Variants in EPS8 observed in about 807,000 individuals in gnomAD.
EPS8 encodes EGFR pathway substrate 8, signaling adaptor, also known as epidermal growth factor receptor kinase substrate 8.
A neutral mutation model predicts 103.8 loss-of-function variants in EPS8; 42 were observed. That is an observed-to-expected ratio of 0.40 (90% CI 0.32 to 0.52). The LOEUF (loss-of-function observed/expected upper bound fraction) is 0.52, where lower values mean the gene tolerates loss of function less well. Among genes scored for constraint, EPS8 ranks in the 20% least tolerant of loss-of-function variants. The probability of loss-of-function intolerance (pLI) is 0.40; values close to 1 mark genes in which losing one functional copy is unlikely to be tolerated. For synonymous variants in EPS8, 344 were observed against 344.6 expected (o/e 1.00, Z 0.02); for missense variants, 969 against 1,005.1 (o/e 0.96, Z 0.49).
At chr12:15,724,659 C>G (rs1477665915) in intron 1 of EPS8, among the ~76,000 whole-genome samples, 1 of 152,160 alleles carries the variant, frequency 6.6e-6, no homozygotes, top group Non-Finnish European at 1.5e-5. Context: ...TGGGAGATAA[C>G]TGAATCACAA....
At chr12:15,671,771 A>G (rs1439353888) in intron 3 of EPS8, 1 of 152,118 alleles carries the variant, frequency 6.6e-6, no homozygotes, top group African/African-American at 2.4e-5. Flanking sequence ...TAATCTCTGT[A>G]TCATTCCAAT....
chr12:15,746,405 T>C (rs1366408672), intron 1 of EPS8, among the ~76,000 whole-genome samples: 1 of 151,828 alleles, frequency 6.6e-6, no homozygotes, highest in East Asian at 1.9e-4. Flanking sequence ...CTGATTTTAA[T>C]GGCACTTCCT....
chr12:15,622,645 T>C (rs1294561464), intron 20 of EPS8, among the ~76,000 whole-genome samples: 1 of 152,144 alleles, frequency 6.6e-6, no homozygotes, highest in Non-Finnish European at 1.5e-5. Context: ...CAGACCATTG[T>C]GATTAAATAC....
At chr12:15,742,139 CT>C (rs1372882934) in intron 1 of EPS8, among the ~76,000 whole-genome samples, 1 of 152,162 alleles carries the variant, frequency 6.6e-6, no homozygotes, top group Non-Finnish European at 1.5e-5. Flanking sequence ...TTGGTTCCAA[CT>C]CTTTGCTATT....
chr12:15,741,252 C>A (rs1238078960), intron 1 of EPS8, among the ~76,000 whole-genome samples: 1 of 152,170 alleles, frequency 6.6e-6, no homozygotes, highest in Admixed American at 6.5e-5. Flanking sequence ...CAGAGCTTGG[C>A]TTAGCACTGT....
Position 15,641,844 on chromosome 12 carries a change from GA to G in EPS8, c.1569-15del, listed in dbSNP as rs764082662. 5.7e-6 allele frequency: 8 copies of G among 1,392,954 alleles called. No individual in the cohort carries two copies. The Admixed American group carries it at 1.2e-4, about 20-fold the overall frequency. The allele number at this position is 1,392,954 out of a possible 1,614,324, so 86.3% of individuals were successfully genotyped here. ...GGTTCATAATTTCTATAAAAAGAAA[GA>G]AAAAAGATTATTATTCTGCTAGCTC... On this transcript the variant is annotated splice_polypyrimidine_tract_variant and intron_variant, in intron 15 of 20. Coordinates refer to ENST00000281172, the MANE Select transcript of EPS8 (RefSeq NM_004447.6).
intron 1 of EPS8, chr12:15,782,102 C>T (rs1166905064): frequency 6.6e-6 from 1 of 152,160 alleles, no homozygotes; most frequent in Non-Finnish European, 1.5e-5. Flanking sequence ...GTACATTTGA[C>T]TTTTGAAAAG....
intron 14 of EPS8, 112 bp downstream of exon 14, chr12:15,650,711 T>C (rs1945397255): frequency 2.2e-6 from 2 of 908,134 alleles, no homozygotes; most frequent in South Asian, 1.7e-5. Flanking sequence ...ATTCAGACTT[T>C]GATTCTAGAA....
At chr12:15,681,751 A>AC (rs1377833212) in intron 2 of EPS8, among the ~76,000 whole-genome samples, 1 of 151,096 alleles carries the variant, frequency 6.6e-6, no homozygotes. Flanking sequence ...AAAAAAAAAA[A>AC]AAATTAGCTA....
At position 15,735,062 on chromosome 12, in the gene EPS8, G is replaced by A. The variant is rs1263037871; in HGVS notation, c.-21-52090C>T. ...CCCTCACCACGACTTCACACTAACA[G>A]CATTTCATGGATAACTGTAGTATTC... is the stretch of plus-strand genomic sequence containing the variant. On this transcript the variant is annotated intron_variant, in intron 1 of 20. Transcript: ENST00000281172. This position sits in a 1 kb window ranked among gnomAD's most constrained non-coding sequence, Gnocchi z 4.4. Among the ~76,000 whole-genome samples the A allele has an allele frequency of 6.6e-6, 1 of 152,150 alleles. No individual in the cohort carries two copies. The highest frequency in any genetic ancestry group is 1.9e-4 in the East Asian group (1 of 5,192).
rs1348103017 is a variant in EPS8 at position 15,669,686 on chromosome 12, C to T, written c.344G>A (p.Ser115Asn). Residue 115 changes from serine (S) to asparagine (N), a missense_variant, in exon 5 of 21, where the codon AGC (serine) becomes AAC (asparagine). Ser to Asn is a conservative substitution (Grantham distance 46). Coordinates refer to ENST00000281172, the MANE Select transcript of EPS8 (RefSeq NM_004447.6). ...TGCCTTTGATTCTAAATCAATCAGG[C>T]TCACAGCTCTGTCATCCACTTGAAG... Reference protein sequence around the residue: ...MILQVDDRAVSLIDLESKNEL... With the variant: ...MILQVDDRAVNLIDLESKNEL... 2 of 1,607,580 alleles carry T rather than the reference C, an allele frequency of 1.2e-6. No individual in the cohort carries two copies. The highest frequency in any genetic ancestry group is 1.7e-6 in the Non-Finnish European group (2 of 1,177,910).
At chr12:15,737,874 G>A (rs529363432) in intron 1 of EPS8, among the ~76,000 whole-genome samples, 1 of 151,850 alleles carries the variant, frequency 6.6e-6, no homozygotes, top group East Asian at 1.9e-4. Flanking sequence ...TTTATGATTT[G>A]GATCTATCTG....
chr12:15,750,249 C>T (rs1411696178), intron 1 of EPS8, among the ~76,000 whole-genome samples: 2 of 152,198 alleles, frequency 1.3e-5, no homozygotes, highest in Non-Finnish European at 2.9e-5. Flanking sequence ...CTTTACACTA[C>T]ATCCTATGGC....
At chr12:15,649,011 C>G (rs1265115711) in intron 14 of EPS8, among the ~76,000 whole-genome samples, 1 of 152,050 alleles carries the variant, frequency 6.6e-6, no homozygotes, top group Admixed American at 6.6e-5. Flanking sequence ...CTTTTTAAGT[C>G]ACAATTACTT....
chr12:15,650,730 A>G, intron 14 of EPS8, 93 bp downstream of exon 14: 2 of 1,041,556 alleles, frequency 1.9e-6, no homozygotes, highest in Non-Finnish European at 2.8e-6. Flanking sequence ...AACAATTTTC[A>G]GTTGAATAAA....
In EPS8 at chr12:15,769,572, G is replaced by A. The variant is rs1947131594; in HGVS notation, c.-22+19589C>T. On this transcript the variant is annotated intron_variant, in intron 1 of 20. Transcript: ENST00000281172. The surrounding 1 kb of genome is among the most constrained non-coding windows in gnomAD (Gnocchi z 4.6). ...CACAGAAATATCTTGAGTATATCTGGAAAGCAAAACATTTAAGATGTTAAG... is the reference window on the plus strand; with the variant it reads ...CACAGAAATATCTTGAGTATATCTGAAAAGCAAAACATTTAAGATGTTAAG... 6.6e-6 allele frequency among the ~76,000 whole-genome samples: 1 copy of A among 152,078 alleles called. No homozygotes were observed. Among genetic ancestry groups the A allele is most frequent in the Non-Finnish European group, 1.5e-5 (1 of 68,020 alleles).
In EPS8 at chr12:15,662,045, G is replaced by A; in HGVS notation, c.791C>T (p.Ala264Val). 6.2e-7 allele frequency: 1 copy of A among 1,613,654 alleles called. No homozygotes were observed. Among genetic ancestry groups the A allele is most frequent in the African/African-American group, 1.3e-5 (1 of 75,012 alleles). The change falls in exon 9 of 21, where the codon GCC becomes GTC. Residue 264 changes from alanine (A) to valine (V), a missense_variant. By Grantham distance (64) the Ala-to-Val change is moderately conservative. Transcript: ENST00000281172. ...ACTTACCACATCTCTGTCAATGCGGGCTGCCATCATCTCAGGTGTTTCTTC... is the reference window on the plus strand; with the variant it reads ...ACTTACCACATCTCTGTCAATGCGGACTGCCATCATCTCAGGTGTTTCTTC... ...EQEETPEMMA[A>V]RIDRDVQILN...
chr12:15,661,921 G>C, intron 9 of EPS8, 105 bp downstream of exon 9: 2 of 823,290 alleles, frequency 2.4e-6, no homozygotes, highest in Non-Finnish European at 4.0e-6. Flanking sequence ...AGAAAACATG[G>C]TTTCCATAAA....
intron 1 of EPS8, among the ~76,000 whole-genome samples, chr12:15,742,367 C>T (rs1375179008): frequency 6.6e-6 from 1 of 152,204 alleles, no homozygotes; most frequent in Non-Finnish European, 1.5e-5. Context: ...ACATCCTCTC[C>T]AGCACCTGTT....
Sources: allele counts gnomAD v4.1 joint callset (sites outside exome capture counted in the v4.1 genomes callset), GRCh38; gene constraint gnomAD v4.1.1; non-coding constraint Gnocchi (gnomAD v3.1); transcripts MANE v1.5; gene names NCBI Gene and HGNC (gene_info 2026-07-23, HGNC 2026-07-21).